Variants in PRPF39 observed in about 807,000 individuals in gnomAD.
PRPF39 encodes pre-mRNA processing factor 39.
In PRPF39, 27 loss-of-function variants were observed where a neutral mutation model predicts 82.1. The ratio of observed to expected loss-of-function variants is 0.33; its 90% confidence interval spans 0.24 to 0.45. The LOEUF is 0.45. Ranked by LOEUF, PRPF39 falls within the 20% of genes least tolerant of loss-of-function variation. PRPF39 has a pLI of 1.00. For synonymous variants in PRPF39, 261 were observed against 256.4 expected (o/e 1.02, Z -0.17); for missense variants, 581 against 796.9 (o/e 0.73, Z 3.26).
chr14:45,112,947 C>T (rs1884736420), intron 11 of PRPF39, among the ~76,000 whole-genome samples: 1 of 152,120 alleles, frequency 6.6e-6, no homozygotes. Flanking sequence ...CCTCATCTTC[C>T]TTCATTGTAA....
In PRPF39 at chr14:45,116,197, T is replaced by TTCAA. The variant is rs1439222061; in HGVS notation, c.*1290_*1293dup. On this transcript the variant is annotated 3_prime_UTR_variant, in exon 14 of 14. Coordinates refer to ENST00000355765, the MANE Select transcript of PRPF39 (RefSeq NM_017922.4). ...ATCCTTAGAGCTGAAGCACTGCTAT[T>TTCAA]TCAATCAATATCCACTAATTCCACT... 1.9e-6 allele frequency: 3 copies of TTCAA among 1,608,742 alleles called. No homozygotes were observed. Among genetic ancestry groups the TTCAA allele is most frequent in the African/African-American group, 2.7e-5 (2 of 74,812 alleles).
intron 1 of PRPF39, among the ~76,000 whole-genome samples, chr14:45,090,744 G>A (rs1883995408): frequency 6.6e-6 from 1 of 152,104 alleles, no homozygotes; most frequent in Admixed American, 6.6e-5. Context: ...GTGTGTGTGT[G>A]TATGTGTTGT....
In PRPF39 at chr14:45,110,286, T is replaced by C. The variant is rs1449324627; in HGVS notation, c.1303+66T>C. Reference sequence around the variant, plus strand: ...AGTTATTTCAGGAAACAGTGACAAATTGAGTGGTAAGGGATGGTGTAAAGC... The same window carrying C: ...AGTTATTTCAGGAAACAGTGACAAACTGAGTGGTAAGGGATGGTGTAAAGC... On this transcript the variant is annotated intron_variant, in intron 9 of 13. Coordinates refer to ENST00000355765, the MANE Select transcript of PRPF39 (RefSeq NM_017922.4). This position sits in a 1 kb window ranked among gnomAD's most constrained non-coding sequence, Gnocchi z 4.0. 8.8e-6 allele frequency: 14 copies of C among 1,587,570 alleles called. No individual in the cohort carries two copies. In the Admixed American group the frequency reaches 1.8e-4, roughly 20 times the overall value.
Position 45,110,854 on chromosome 14 carries a change from A to G in PRPF39, c.1572+37A>G. The G allele has an allele frequency of 6.6e-7, 1 of 1,505,644 alleles. No homozygotes were observed. The highest frequency in any genetic ancestry group is 1.4e-5 in the African/African-American group (1 of 71,358). 93.3% of individuals were successfully genotyped at this position (1,505,644 alleles called of 1,614,324 possible). ...TATTTTTAAGAGTATCTTCTATTAA[A>G]AAAACCAGTGGTCAGTGTATTTTCA... is the stretch of plus-strand genomic sequence containing the variant. On this transcript the variant is annotated intron_variant, in intron 10 of 13. Transcript: ENST00000355765. The surrounding 1 kb of genome is among the most constrained non-coding windows in gnomAD (Gnocchi z 4.0).
Position 45,110,899 on chromosome 14 carries a change from A to G in PRPF39, c.1572+82A>G. 7.7e-7 allele frequency: 1 copy of G among 1,298,228 alleles called. No homozygotes were observed. The highest frequency in any genetic ancestry group is 1.5e-5 in the South Asian group (1 of 67,102). The allele number at this position is 1,298,228 out of a possible 1,614,324, so 80.4% of individuals were successfully genotyped here. A position where few individuals can be genotyped will look rare whatever the true frequency, so the allele number is the denominator to read the frequency against. ...TTTTCACTGTGGCAACTGTGATGAA[A>G]GATTTGGTCTGTATGTAATAGATTT... On this transcript the variant is annotated intron_variant, in intron 10 of 13. Coordinates refer to ENST00000355765, the MANE Select transcript of PRPF39 (RefSeq NM_017922.4). This position sits in a 1 kb window ranked among gnomAD's most constrained non-coding sequence, Gnocchi z 4.0.
Position 45,114,559 on chromosome 14 carries a change from TTGA to T in PRPF39, c.1901_1903del (p.Asp634del). 2 of 1,608,500 alleles carry T rather than the reference TTGA, an allele frequency of 1.2e-6. No homozygotes were observed. Among genetic ancestry groups the T allele is most frequent in the Non-Finnish European group, 8.5e-7 (1 of 1,177,852 alleles). On this transcript the variant is annotated inframe_deletion, in exon 13 of 14. Transcript: ENST00000355765. ...ACAACTTCATCATCTACACAGATGA[TTGA>T]TGGTGATTTACAGGCAAACCAAGCT...
At chr14:45,100,249 A>G (rs1353679957) in intron 4 of PRPF39, among the ~76,000 whole-genome samples, 1 of 152,052 alleles carries the variant, frequency 6.6e-6, no homozygotes, top group Non-Finnish European at 1.5e-5. Context: ...CAAACAAACA[A>G]ACAAACAAAC....
At chr14:45,096,510 T>C in intron 3 of PRPF39, 1 of 1,441,648 alleles carries the variant, frequency 6.9e-7, no homozygotes, top group East Asian at 3.3e-5. Flanking sequence ...AGGGCTTTTC[T>C]CTCACTTACA....
At chr14:45,092,776 C>T (rs1884077221) in intron 1 of PRPF39, among the ~76,000 whole-genome samples, 1 of 152,044 alleles carries the variant, frequency 6.6e-6, no homozygotes, top group Non-Finnish European at 1.5e-5. Context: ...ACCTCAGAAT[C>T]ATTGTAGTCG....
At chr14:45,089,726 A>G (rs192683658) in intron 1 of PRPF39, among the ~76,000 whole-genome samples, 2 of 152,222 alleles carry the variant, frequency 1.3e-5, no homozygotes, top group East Asian at 3.9e-4. Context: ...CTTTCTTTTG[A>G]TAGCTATTCT....
intron 4 of PRPF39, among the ~76,000 whole-genome samples, chr14:45,100,958 G>A (rs899743352): frequency 3.9e-5 from 6 of 152,088 alleles, no homozygotes; most frequent in African/African-American, 1.4e-4. Flanking sequence ...TCTGTCGTGA[G>A]ATAGACATTA....
At chr14:45,093,835 A>G (rs1043993389) in intron 1 of PRPF39, among the ~76,000 whole-genome samples, 1 of 152,180 alleles carries the variant, frequency 6.6e-6, no homozygotes, top group South Asian at 2.1e-4. Context: ...GATTACAGGC[A>G]TGAGCCACCA....
In PRPF39 at chr14:45,092,798, A is replaced by G. The variant is rs140686421; in HGVS notation, c.-19-2423A>G. Among the ~76,000 whole-genome samples the G allele has an allele frequency of 3.2e-4, 48 of 152,192 alleles. No homozygotes were observed. The East Asian group carries it at 8.9e-3, about 28-fold the overall frequency. The stretch of plus-strand genomic sequence containing the variant: ...AATCATTGTAGTCGGTAAGGAATCT[A>G]TATTAGTTTTAAACAGCTTACTAGT... On this transcript the variant is annotated intron_variant, in intron 1 of 13. Coordinates refer to ENST00000355765, the MANE Select transcript of PRPF39 (RefSeq NM_017922.4).
At chr14:45,085,017 C>G (rs1883776396) in intron 1 of PRPF39, among the ~76,000 whole-genome samples, 1 of 152,116 alleles carries the variant, frequency 6.6e-6, no homozygotes, top group South Asian at 2.1e-4. Context: ...TTGAGGACTT[C>G]AGATTATTTA....
chr14:45,115,083 C>T lies in PRPF39; in HGVS notation c.*170C>T, dbSNP rs530260360. ...GGGGAAAATGTCAATTAGTAGCTTA[C>T]CACAGATACTGTTTCCTACCATTTA... On this transcript the variant is annotated 3_prime_UTR_variant, in exon 14 of 14. Transcript: ENST00000355765. The T allele has an allele frequency of 5.0e-4, 222 of 446,852 alleles. No individual in the cohort carries two copies. The highest frequency in any genetic ancestry group is 7.6e-4 in the Admixed American group (20 of 26,418). The allele number at this position is 446,852 out of a possible 1,614,324, so 27.7% of individuals were successfully genotyped here. A position where few individuals can be genotyped will look rare whatever the true frequency, so the allele number is the denominator to read the frequency against.
rs1383875251 is a variant in PRPF39, at chr14:45,107,577, T to C, written c.864T>C (p.Asp288=). ...GTGATGATGGTCCTCCTGGTGATGA[T>C]CTACCATCGGGAATTGAAGACATAA... ...HSGDDGPPGD[D]LPSGIEDITD... is the part of the protein sequence containing the mutation. The change falls in exon 6 of 14, where the codon GAT becomes GAC. Residue 288 remains aspartate (D), a synonymous_variant. Coordinates refer to ENST00000355765, the MANE Select transcript of PRPF39 (RefSeq NM_017922.4). 7 of 1,552,704 alleles carry C rather than the reference T, an allele frequency of 4.5e-6. No homozygotes were observed. In the East Asian group the frequency reaches 9.8e-5, roughly 22 times the overall value.
intron 1 of PRPF39, among the ~76,000 whole-genome samples, chr14:45,085,371 G>T (rs185636676): frequency 5.1e-4 from 78 of 152,294 alleles, no homozygotes; most frequent in Non-Finnish European, 1.5e-5. Flanking sequence ...TAGGTGGTAT[G>T]AGACACTATT....
chr14:45,097,982 C>T (rs1423736519), intron 4 of PRPF39, among the ~76,000 whole-genome samples: 3 of 152,192 alleles, frequency 2.0e-5, no homozygotes, highest in African/African-American at 4.8e-5. Flanking sequence ...TCTCTGTTAG[C>T]TGTAGACATT....
At chr14:45,095,696 A>G (rs1884176668) in intron 2 of PRPF39, 133 bp downstream of exon 2, 1 of 1,200,602 alleles carries the variant, frequency 8.3e-7, no homozygotes, top group Non-Finnish European at 1.1e-6. Flanking sequence ...AACATTAGGT[A>G]GCTACATTTT....
Sources: gnomAD v4.1 joint callset for allele counts (sites outside exome capture counted in the v4.1 genomes callset) on GRCh38, gnomAD v4.1.1 for gene constraint, Gnocchi (gnomAD v3.1) non-coding constraint, MANE v1.5 for transcripts, NCBI Gene and HGNC (gene_info 2026-07-23, HGNC 2026-07-21) for gene names.